VASH2: variants seen among roughly 807,000 people sequenced by gnomAD.
VASH2 encodes the protein tubulinyl-Tyr carboxypeptidase 2.
Under a neutral mutation model 37.2 loss-of-function variants are expected in VASH2, and 28 were observed. That is an observed-to-expected ratio of 0.75 (90% CI 0.56 to 1.03). The LOEUF (loss-of-function observed/expected upper bound fraction) is 1.03, where lower values mean the gene tolerates loss of function less well. VASH2 is among the 50% of genes least tolerant of loss of function. The pLI, the probability that VASH2 is intolerant of heterozygous loss-of-function variation, is 0.00. For synonymous variants in VASH2, 188 were observed against 174.7 expected (o/e 1.08, Z -0.60); for missense variants, 419 against 459.1 (o/e 0.91, Z 0.80).
chr1:212,969,285 C>G (rs1666938397), intron 5 of VASH2: 2 of 754,738 alleles, frequency 2.6e-6, no homozygotes, highest in Admixed American at 1.3e-4. Context: ...CTCTGCCTCC[C>G]GGGTTCACGC....
chr1:212,966,640 G>T (rs1033887333), intron 5 of VASH2, among the ~76,000 whole-genome samples: 8 of 152,314 alleles, frequency 5.3e-5, no homozygotes, highest in Non-Finnish European at 1.2e-4. Flanking sequence ...ATTCTAACTT[G>T]GAGGGACTAG....
intron 5 of VASH2, chr1:212,969,219 G>T: frequency 1.0e-6 from 1 of 980,620 alleles, no homozygotes; most frequent in Non-Finnish European, 1.2e-6. Flanking sequence ...TTGAGACGGA[G>T]TCTTGGTCTG....
intron 5 of VASH2, 114 bp from the exon 6 acceptor site, chr1:212,972,466 T>G (rs1667038437): frequency 1.5e-6 from 2 of 1,325,122 alleles, no homozygotes; most frequent in East Asian, 4.6e-5. Context: ...GATGTGGGCC[T>G]GCTCAGAGGC....
intron 7 of VASH2, among the ~76,000 whole-genome samples, chr1:212,975,213 C>T (rs879782445): frequency 6.6e-6 from 1 of 152,146 alleles, no homozygotes; most frequent in Admixed American, 6.5e-5. Flanking sequence ...GGGGAAGGTT[C>T]TGTTTTCGGA....
intron 2 of VASH2, among the ~76,000 whole-genome samples, chr1:212,953,219 A>T (rs1666376147): frequency 8.3e-6 from 1 of 119,878 alleles, no homozygotes; most frequent in African/African-American, 2.8e-5. Context: ...CCAACCATGT[A>T]TGCGGGTGCG....
At chr1:212,986,835 CAAAG>C (rs1349034364) in intron 7 of VASH2, among the ~76,000 whole-genome samples, 1 of 152,016 alleles carries the variant, frequency 6.6e-6, no homozygotes, top group Non-Finnish European at 1.5e-5. Context: ...GGGAGAGACA[CAAAG>C]AAATAAGAGG....
chr1:212,990,133 A>C lies in VASH2; in HGVS notation c.*1549A>C, dbSNP rs1017974324. 1 of 152,154 alleles carries C rather than the reference A, an allele frequency of 6.6e-6. No individual in the cohort carries two copies. The highest frequency in any genetic ancestry group is 1.5e-5 in the Non-Finnish European group (1 of 68,038). 9.4% of individuals were successfully genotyped at this position (152,154 alleles called of 1,614,324 possible). ...GATTTCTGGGGGTGACAGGGAAAGC[A>C]AAAGGACTTCAAAGCAAAAGGGTGC... On this transcript the variant is annotated 3_prime_UTR_variant, in exon 8 of 8. Transcript: ENST00000517399.
intron 5 of VASH2, chr1:212,967,024 C>A: frequency 9.3e-7 from 1 of 1,071,018 alleles, no homozygotes; most frequent in Non-Finnish European, 1.3e-6. Flanking sequence ...AGATTAGAGG[C>A]AGGAGCCATC....
Position 212,964,922 on chromosome 1 carries a change from G to GTT in VASH2, c.366-784_366-783dup, listed in dbSNP as rs754917916. The stretch of plus-strand genomic sequence containing the variant: ...CTTGCATATGTTGGGTTTCTGCCAG[G>GTT]TTTTTTTTTTTTTTTTTAGACAGAA... On this transcript the variant is annotated intron_variant, in intron 3 of 7. Coordinates refer to ENST00000517399, the MANE Select transcript of VASH2 (RefSeq NM_001301056.2). 7.2e-3 allele frequency among the ~76,000 whole-genome samples: 999 copies of GTT among 138,054 alleles called. 9 individuals carry two copies. Among genetic ancestry groups the GTT allele is most frequent in the African/African-American group, 0.025 (933 of 37,786 alleles). 90.6% of individuals were successfully genotyped at this position (138,054 alleles called of 152,430 possible). A position where few individuals can be genotyped will look rare whatever the true frequency, so the allele number is the denominator to read the frequency against.
intron 7 of VASH2, among the ~76,000 whole-genome samples, chr1:212,976,579 A>AAG: frequency 6.6e-6 from 1 of 151,782 alleles, no homozygotes; most frequent in Middle Eastern, 3.4e-3. Flanking sequence ...AAAAAAAAAA[A>AAG]ATGGTGACGA....
At chr1:212,965,469 C>T (rs1666813091) in intron 3 of VASH2, among the ~76,000 whole-genome samples, 1 of 152,072 alleles carries the variant, frequency 6.6e-6, no homozygotes, top group South Asian at 2.1e-4. Context: ...AGTCAACTAC[C>T]CGGAATACAG....
intron 7 of VASH2, among the ~76,000 whole-genome samples, chr1:212,981,229 T>C (rs577692002): frequency 6.6e-6 from 1 of 152,354 alleles, no homozygotes; most frequent in South Asian, 2.1e-4. Flanking sequence ...AAATCTCTTC[T>C]GGGCCGAATC....
Position 212,951,431 on chromosome 1 carries a change from CCCCGCGGGGCGCTGATCCCCTCGCCGCG to C in VASH2, c.-105_-78del. Reference sequence around the variant, plus strand: ...CAGCGAGAGGCATGGAGAAGGCCGCCCCCGCGGGGCGCTGATCCCCTCGCCGCGCCCGCGCGCACACGCCCCCCGCCGC... The same window carrying C: ...CAGCGAGAGGCATGGAGAAGGCCGCCCCCGCGCGCACACGCCCCCCGCCGC... On this transcript the variant is annotated 5_prime_UTR_variant, in exon 2 of 8. The change abolishes the stop of an existing upstream ORF in the 5' untranslated region. Coordinates refer to ENST00000517399, the MANE Select transcript of VASH2 (RefSeq NM_001301056.2). This position sits in a 1 kb window ranked among gnomAD's most constrained non-coding sequence, Gnocchi z 4.4. The C allele has an allele frequency of 1.9e-6, 1 of 529,394 alleles. No individual in the cohort carries two copies. The highest frequency in any genetic ancestry group is 7.7e-5 in the South Asian group (1 of 13,022). 32.8% of individuals were successfully genotyped at this position (529,394 alleles called of 1,614,324 possible).
Position 212,973,939 on chromosome 1 carries a change from C to T in VASH2, c.880-16C>T, listed in dbSNP as rs890400910. On this transcript the variant is annotated splice_polypyrimidine_tract_variant and intron_variant, in intron 6 of 7. Transcript: ENST00000517399. ...CCTTAGGAACCAGGGTGATTAACTC[C>T]TCACATCTCCTTCAGATCCTGAAAC... The T allele has an allele frequency of 6.2e-7, 1 of 1,612,212 alleles. No individual in the cohort carries two copies. Among genetic ancestry groups the T allele is most frequent in the Non-Finnish European group, 8.5e-7 (1 of 1,179,064 alleles).
At chr1:212,984,404 G>T (rs929218811) in intron 7 of VASH2, among the ~76,000 whole-genome samples, 2 of 152,164 alleles carry the variant, frequency 1.3e-5, no homozygotes, top group African/African-American at 4.8e-5. Flanking sequence ...TCCATGACAG[G>T]GATGAGCGGG....
At chr1:212,986,569 G>A (rs1162088361) in intron 7 of VASH2, among the ~76,000 whole-genome samples, 1 of 152,174 alleles carries the variant, frequency 6.6e-6, no homozygotes, top group Admixed American at 6.5e-5. Context: ...AAGCAAACAT[G>A]TGTTCCTTTT....
intron 2 of VASH2, 63 bp from the exon 3 acceptor site, chr1:212,961,103 C>T: frequency 6.5e-7 from 1 of 1,534,244 alleles, no homozygotes; most frequent in Non-Finnish European, 9.0e-7. Flanking sequence ...TCTGCCTGCC[C>T]CCAGAAGCTG....
intron 5 of VASH2, 55 bp downstream of exon 5, chr1:212,966,400 G>A: frequency 7.3e-7 from 1 of 1,367,374 alleles, no homozygotes; most frequent in Admixed American, 2.0e-5. Flanking sequence ...GCTTCACAAT[G>A]GGGCTTGTTG....
Position 212,974,006 on chromosome 1 carries a change from A to G in VASH2, c.931A>G (p.Lys311Glu). Residue 311 changes from lysine to glutamate, a missense_variant, in exon 7 of 8, where the codon AAA (lysine) becomes GAA (glutamate). Lys to Glu is a moderately conservative substitution (Grantham distance 56). Transcript: ENST00000517399. ...HSPTQVRSRG[K>E]SLSPRRRQAS... ...TCCGACCCAAGTGAGAAGCCGGGGA[A>G]AATCCCTGTCCCCCAGAAGGAGACA... The G allele has an allele frequency of 6.2e-7, 1 of 1,613,928 alleles. No individual in the cohort carries two copies. The highest frequency in any genetic ancestry group is 8.5e-7 in the Non-Finnish European group (1 of 1,179,948).
Sources: allele counts gnomAD v4.1 joint callset (sites outside exome capture counted in the v4.1 genomes callset), GRCh38; gene constraint gnomAD v4.1.1; non-coding constraint Gnocchi (gnomAD v3.1); transcripts MANE v1.5; gene names NCBI Gene and HGNC (gene_info 2026-07-23, HGNC 2026-07-21).